The following GUCY1A1 variants were observed in gnomAD, a reference collection of about 807,000 sequenced individuals.
GUCY1A1 encodes guanylate cyclase 1 soluble subunit alpha 1.
Under a neutral mutation model 64.5 loss-of-function variants are expected in GUCY1A1, and 48 were observed. That is an observed-to-expected ratio of 0.74 (90% CI 0.59 to 0.95). The LOEUF is 0.95. GUCY1A1 is among the 40% of genes least tolerant of loss of function. The pLI is 0.00. For synonymous variants in GUCY1A1, 308 were observed against 303.4 expected (o/e 1.02, Z -0.16); for missense variants, 804 against 825.3 (o/e 0.97, Z 0.32).
intron 9 of GUCY1A1, among the ~76,000 whole-genome samples, chr4:155,727,434 A>C (rs1348576943): frequency 6.6e-6 from 1 of 151,896 alleles, no homozygotes; most frequent in East Asian, 1.9e-4. Flanking sequence ...AATCTAGAGC[A>C]ATGCCCTTAA....
chr4:155,718,913 CTTT>C (rs1271988252), intron 8 of GUCY1A1, among the ~76,000 whole-genome samples: 3 of 152,070 alleles, frequency 2.0e-5, no homozygotes, highest in African/African-American at 7.2e-5. Context: ...CAATATCTGA[CTTT>C]TTCAGATTTA....
At chr4:155,672,866 G>C (rs1226513325) in intron 2 of GUCY1A1, among the ~76,000 whole-genome samples, 2 of 152,168 alleles carry the variant, frequency 1.3e-5, no homozygotes, top group Non-Finnish European at 2.9e-5. Context: ...ATATTTTGTA[G>C]TGTAATTTCT....
intron 7 of GUCY1A1, among the ~76,000 whole-genome samples, chr4:155,715,431 G>A (rs1343335599): frequency 2.0e-5 from 3 of 152,046 alleles, no homozygotes; most frequent in Admixed American, 6.6e-5. Context: ...TTGTTTCAGC[G>A]AATATGTACT....
At chr4:155,710,079 T>C (rs1270716879) in intron 5 of GUCY1A1, among the ~76,000 whole-genome samples, 1 of 152,170 alleles carries the variant, frequency 6.6e-6, no homozygotes, top group East Asian at 1.9e-4. Flanking sequence ...TTGTAATCAT[T>C]TCTAGACAAA....
At chr4:155,696,461 C>A (rs1284436720) in intron 2 of GUCY1A1, among the ~76,000 whole-genome samples, 1 of 151,994 alleles carries the variant, frequency 6.6e-6, no homozygotes, top group Non-Finnish European at 1.5e-5. Context: ...CAAACTGGAC[C>A]AGATGAGTGT....
chr4:155,691,480 A>C (rs1253421251), intron 2 of GUCY1A1, among the ~76,000 whole-genome samples: 2 of 152,240 alleles, frequency 1.3e-5, no homozygotes, highest in Non-Finnish European at 2.9e-5. Flanking sequence ...CTAAGTTTTC[A>C]GTCTACCTGA....
Position 155,696,892 on chromosome 4 carries a change from C to G in GUCY1A1, c.25C>G (p.Leu9Val), listed in dbSNP as rs1730479834. MFCTKLKD[L>V]KITGECPFSL... ...CATGTTCTGCACGAAGCTCAAGGAT[C>G]TCAAGATCACAGGAGAGTGTCCTTT... The change falls in exon 3 of 10, where the codon CTC becomes GTC. Residue 9 changes from leucine (L) to valine (V), a missense_variant. Transcript: ENST00000506455. The G allele has an allele frequency of 6.2e-7, 1 of 1,613,460 alleles. No individual in the cohort carries two copies. Among genetic ancestry groups the G allele is most frequent in the Non-Finnish European group, 8.5e-7 (1 of 1,179,608 alleles).
At chr4:155,695,950 G>A (rs72972409) in intron 2 of GUCY1A1, among the ~76,000 whole-genome samples, 4,521 of 152,202 alleles carry the variant, frequency 0.03, 231 homozygotes, top group African/African-American at 0.1. Context: ...TGAATTGTGG[G>A]AGAATTTACA....
intron 2 of GUCY1A1, among the ~76,000 whole-genome samples, chr4:155,674,044 T>C (rs1734521035): frequency 6.6e-6 from 1 of 151,526 alleles, no homozygotes; most frequent in South Asian, 2.1e-4. Flanking sequence ...GCTCAATGGC[T>C]CATAAGCACT....
At chr4:155,704,049 A>G in intron 4 of GUCY1A1, 56 bp downstream of exon 4, 1 of 974,868 alleles carries the variant, frequency 1.0e-6, no homozygotes, top group Non-Finnish European at 1.6e-6. Context: ...TAATACTGCT[A>G]CTAATGGCCA....
chr4:155,685,627 TCTC>T (rs1560921439), intron 2 of GUCY1A1, among the ~76,000 whole-genome samples: 4 of 119,988 alleles, frequency 3.3e-5, no homozygotes, highest in African/African-American at 8.8e-5. Context: ...TTTTTTTTTT[TCTC>T]TTTGCTGTTC....
At chr4:155,720,120 T>C (rs902148623) in intron 8 of GUCY1A1, among the ~76,000 whole-genome samples, 2 of 152,152 alleles carry the variant, frequency 1.3e-5, no homozygotes, top group East Asian at 3.8e-4. Flanking sequence ...ACACTTGCCT[T>C]GTCTGCATCG....
At chr4:155,712,176 G>C (rs1255283748) in intron 6 of GUCY1A1, among the ~76,000 whole-genome samples, 2 of 152,200 alleles carry the variant, frequency 1.3e-5, no homozygotes, top group African/African-American at 4.8e-5. Context: ...TGTCGCCCAG[G>C]CTGGAGTGCA....
rs1736074284 is a variant in GUCY1A1 at position 155,736,544 on chromosome 4, A to T, written c.*6313A>T. ...AACTTACTGTTTAGAGAGAAAAAAT[A>T]GTAAATAATGTTCAAAATGAGAAGA... On this transcript the variant is annotated 3_prime_UTR_variant, in exon 10 of 10. Coordinates refer to ENST00000506455, the MANE Select transcript of GUCY1A1 (RefSeq NM_001130682.3). 1 of 152,022 alleles carries T rather than the reference A, an allele frequency of 6.6e-6. No individual in the cohort carries two copies. The highest frequency in any genetic ancestry group is 6.6e-5 in the Admixed American group (1 of 15,226). The allele number at this position is 152,022 out of a possible 1,614,324, so 9.4% of individuals were successfully genotyped here.
chr4:155,703,981 T>A lies in GUCY1A1; in HGVS notation c.305T>A (p.Ile102Lys), dbSNP rs770057719. 6.2e-7 allele frequency: 1 copy of A among 1,605,000 alleles called. No homozygotes were observed. The highest frequency in any genetic ancestry group is 8.5e-7 in the Non-Finnish European group (1 of 1,174,514). The change falls in exon 4 of 10, where the codon ATA becomes AAA. Residue 102 changes from isoleucine (I) to lysine (K), a missense_variant. Transcript: ENST00000506455. ...ALQRTLAKHK[I>K]KESRKSLERE... is the part of the protein sequence containing the mutation. The stretch of plus-strand genomic sequence containing the variant: ...CAGAGAACATTGGCAAAGCACAAAA[T>A]AAAAGAAAGCAGGTAAGTCAAACCA...
intron 5 of GUCY1A1, among the ~76,000 whole-genome samples, chr4:155,708,690 T>G (rs1732135453): frequency 6.6e-6 from 1 of 152,186 alleles, no homozygotes; most frequent in South Asian, 2.1e-4. Context: ...ATGATTAGTT[T>G]GAGAGAAAAA....
Position 155,710,695 on chromosome 4 carries a change from A to G in GUCY1A1, c.530A>G (p.Gln177Arg), listed in dbSNP as rs894845578. 2 of 1,614,128 alleles carry G rather than the reference A, an allele frequency of 1.2e-6. No individual in the cohort carries two copies. The highest frequency in any genetic ancestry group is 1.7e-6 in the Non-Finnish European group (2 of 1,180,004). The change falls in exon 6 of 10, where the codon CAA becomes CGA. Residue 177 changes from glutamine to arginine, a missense_variant. Transcript: ENST00000506455. ...STLLKQSSHC[Q>R]EAGKRGRLED... ...CTTCTGAAACAGAGCAGCCATTGCC[A>G]AGAAGCAGGAAAAAGGGGCAGGCTT...
chr4:155,702,169 T>C (rs1247199982), intron 3 of GUCY1A1, among the ~76,000 whole-genome samples: 1 of 151,992 alleles, frequency 6.6e-6, no homozygotes, highest in Non-Finnish European at 1.5e-5. Context: ...TTATGAAAAA[T>C]TTACAAAGTT....
chr4:155,668,532 C>T (rs1278684826), intron 2 of GUCY1A1, among the ~76,000 whole-genome samples: 2 of 152,172 alleles, frequency 1.3e-5, no homozygotes, highest in African/African-American at 4.8e-5. Flanking sequence ...TTTCATACAT[C>T]TCTACCACTT....
Sources: allele counts gnomAD v4.1 joint callset (sites outside exome capture counted in the v4.1 genomes callset), GRCh38; gene constraint gnomAD v4.1.1; transcripts MANE v1.5; gene names NCBI Gene and HGNC (gene_info 2026-07-23, HGNC 2026-07-21).